The following CADM2 variants were observed in gnomAD, a reference collection of about 807,000 sequenced individuals.
The protein encoded by CADM2 is cell adhesion molecule 2, also known as immunoglobulin superfamily member 4D.
A neutral mutation model predicts 49.8 loss-of-function variants in CADM2; 12 were observed. The observed-to-expected ratio is 0.24, with a 90% CI of 0.15 to 0.39. The LOEUF (loss-of-function observed/expected upper bound fraction) is 0.39. Ranked by LOEUF, CADM2 falls within the 10% of genes least tolerant of loss-of-function variation. The pLI, the probability that CADM2 is intolerant of heterozygous loss-of-function variation, is 1.00. For missense variants in CADM2, 378 were observed against 492.3 expected, an observed-to-expected ratio of 0.77 and a Z score of 2.20; for synonymous variants, 214 against 175.4, an observed-to-expected ratio of 1.22 and a Z score of -1.74.
rs1578111956 is a variant in CADM2, at chr3:86,068,747, G to T, written c.*1964G>T. 1.3e-5 allele frequency: 2 copies of T among 152,280 alleles called. No homozygotes were observed. The highest frequency in any genetic ancestry group is 1.5e-5 in the Non-Finnish European group (1 of 67,804). The allele number at this position is 152,280 out of a possible 1,614,324, so 9.4% of individuals were successfully genotyped here. A position where few individuals can be genotyped will look rare whatever the true frequency, so the allele number is the denominator to read the frequency against. On this transcript the variant is annotated 3_prime_UTR_variant, in exon 10 of 10. Coordinates refer to ENST00000383699, the MANE Select transcript of CADM2 (RefSeq NM_001167675.2). Reference sequence around the variant, plus strand: ...AGAATATACAGAACATAAATAATATGATGTGGTTGAGTGTTAACATAATAA... The same window carrying T: ...AGAATATACAGAACATAAATAATATTATGTGGTTGAGTGTTAACATAATAA...
chr3:85,981,761 G>T (rs996724746), intron 8 of CADM2, among the ~76,000 whole-genome samples: 1 of 151,648 alleles, frequency 6.6e-6, no homozygotes, highest in Non-Finnish European at 1.5e-5. Context: ...CACCACTGAT[G>T]GGCATCTAGG....
At chr3:85,481,924 C>G (rs1200879150) in intron 1 of CADM2, among the ~76,000 whole-genome samples, 1 of 150,834 alleles carries the variant, frequency 6.6e-6, no homozygotes, top group Non-Finnish European at 1.5e-5. Flanking sequence ...TCAAAAGATG[C>G]CAGAAAGAAA....
At chr3:85,754,425 A>G (rs2069007364) in intron 2 of CADM2, among the ~76,000 whole-genome samples, 1 of 152,076 alleles carries the variant, frequency 6.6e-6, no homozygotes, top group Non-Finnish European at 1.5e-5. Flanking sequence ...ACACTCTAAC[A>G]CTAAGGATTC....
intron 1 of CADM2, among the ~76,000 whole-genome samples, chr3:85,079,633 C>T (rs1403231294): frequency 6.6e-6 from 1 of 151,736 alleles, no homozygotes; most frequent in Non-Finnish European, 1.5e-5. Flanking sequence ...GAATGCAACA[C>T]AGTCATTATC....
chr3:85,107,474 G>A (rs1179185203), intron 1 of CADM2, among the ~76,000 whole-genome samples: 4 of 151,970 alleles, frequency 2.6e-5, no homozygotes, highest in Admixed American at 6.6e-5. Flanking sequence ...TGTTGGTGAC[G>A]AAGGCAAAAA....
intron 1 of CADM2, among the ~76,000 whole-genome samples, chr3:84,991,145 T>C (rs1292549342): frequency 1.3e-5 from 2 of 152,120 alleles, no homozygotes; most frequent in East Asian, 3.9e-4. Flanking sequence ...ACTCTTCTCA[T>C]GGCCTGCAAG....
chr3:85,255,288 A>T lies in CADM2; in HGVS notation c.61+295620A>T, dbSNP rs116439586. On this transcript the variant is annotated intron_variant, in intron 1 of 9. Transcript: ENST00000383699. ...TGGGTCCATAGCCTACAGGGTTGTC[A>T]TTAGCCCAAGGATATCTTTAAATAC... 2.3e-3 allele frequency among the ~76,000 whole-genome samples: 352 copies of T among 152,156 alleles called. 2 individuals are homozygous for T. Among genetic ancestry groups the T allele is most frequent in the African/African-American group, 8.1e-3 (336 of 41,530 alleles).
intron 1 of CADM2, among the ~76,000 whole-genome samples, chr3:85,402,055 G>C (rs181569187): frequency 6.6e-6 from 1 of 151,896 alleles, no homozygotes; most frequent in Admixed American, 6.6e-5. Flanking sequence ...ATAGAAATAC[G>C]TTATTTCTAC....
intron 8 of CADM2, among the ~76,000 whole-genome samples, chr3:85,999,223 G>C (rs2108733952): frequency 1.3e-5 from 2 of 151,052 alleles, no homozygotes; most frequent in South Asian, 4.3e-4. Context: ...ATTTTGCCAG[G>C]CGTGGTGGCT....
At chr3:85,329,565 G>A (rs1006222017) in intron 1 of CADM2, among the ~76,000 whole-genome samples, 2 of 151,924 alleles carry the variant, frequency 1.3e-5, no homozygotes, top group African/African-American at 4.8e-5. Context: ...CAGCCTGGGC[G>A]ACAGAACAAG....
At chr3:85,345,438 A>G (rs572404629) in intron 1 of CADM2, among the ~76,000 whole-genome samples, 1 of 152,262 alleles carries the variant, frequency 6.6e-6, no homozygotes, top group Non-Finnish European at 1.5e-5. Flanking sequence ...TATCATGTCC[A>G]GTGGTAGAAA....
chr3:85,840,724 C>T (rs1170933516), intron 3 of CADM2, among the ~76,000 whole-genome samples: 1 of 151,586 alleles, frequency 6.6e-6, no homozygotes, highest in Non-Finnish European at 1.5e-5. Flanking sequence ...TTTTCAGTGG[C>T]CTATATCATA....
intron 1 of CADM2, among the ~76,000 whole-genome samples, chr3:85,477,411 C>A (rs1264359648): frequency 6.6e-6 from 1 of 151,562 alleles, no homozygotes; most frequent in Admixed American, 6.6e-5. Context: ...TGTTAAAATT[C>A]TTCGAAGTAG....
chr3:85,120,551 A>G lies in CADM2; in HGVS notation c.61+160883A>G, dbSNP rs57693953. Reference sequence around the variant, plus strand: ...AGGGACATGGATGAAGCTGGAAACCATCATTCTCAGCAAACTAACACAGGA... The same window carrying G: ...AGGGACATGGATGAAGCTGGAAACCGTCATTCTCAGCAAACTAACACAGGA... On this transcript the variant is annotated intron_variant, in intron 1 of 9. Transcript: ENST00000383699. 4.8e-3 allele frequency among the ~76,000 whole-genome samples: 725 copies of G among 152,298 alleles called. 6 individuals carry two copies. The highest frequency in any genetic ancestry group is 0.017 in the African/African-American group (703 of 41,548).
intron 2 of CADM2, among the ~76,000 whole-genome samples, chr3:85,740,460 T>C (rs905555104): frequency 1.3e-5 from 2 of 152,204 alleles, no homozygotes; most frequent in Non-Finnish European, 2.9e-5. Context: ...TAATTGACTA[T>C]TCTTTAGGTT....
chr3:86,040,289 T>C (rs1375958345), intron 8 of CADM2, among the ~76,000 whole-genome samples: 1 of 152,042 alleles, frequency 6.6e-6, no homozygotes, highest in African/African-American at 2.4e-5. Flanking sequence ...TACTCTGAGC[T>C]AAAGGAGGAA....
intron 8 of CADM2, among the ~76,000 whole-genome samples, chr3:86,060,900 T>C (rs980110130): frequency 5.3e-5 from 8 of 152,006 alleles, no homozygotes; most frequent in African/African-American, 1.2e-4. Flanking sequence ...GAGAATCATC[T>C]GAACCCGGGA....
intron 2 of CADM2, among the ~76,000 whole-genome samples, chr3:85,754,399 C>G (rs1233898448): frequency 6.6e-6 from 1 of 152,136 alleles, no homozygotes; most frequent in African/African-American, 2.4e-5. Flanking sequence ...TCATGTCTAA[C>G]TAGCTACCTA....
intron 1 of CADM2, among the ~76,000 whole-genome samples, chr3:85,407,956 C>G (rs1427915531): frequency 1.5e-5 from 2 of 135,612 alleles, no homozygotes; most frequent in East Asian, 4.4e-4. Flanking sequence ...AAGCCCCAGA[C>G]TGCAGTGAGC....
Sources: gnomAD v4.1 joint callset for allele counts (sites outside exome capture counted in the v4.1 genomes callset) on GRCh38, gnomAD v4.1.1 for gene constraint, MANE v1.5 for transcripts, NCBI Gene and HGNC (gene_info 2026-07-23, HGNC 2026-07-21) for gene names.